IL1RAPL1: variants seen among roughly 807,000 people sequenced by gnomAD.
IL1RAPL1 encodes interleukin 1 receptor accessory protein like 1.
In IL1RAPL1, 3 loss-of-function variants were observed where a neutral mutation model predicts 48.4. The observed-to-expected ratio is 0.06, with a 90% CI of 0.03 to 0.16. The LOEUF is 0.16. Among genes scored for constraint, IL1RAPL1 ranks in the 10% least tolerant of loss-of-function variants. The pLI, the probability that IL1RAPL1 is intolerant of heterozygous loss-of-function variation, is 1.00. For missense variants in IL1RAPL1, 349 were observed against 530.6 expected, an observed-to-expected ratio of 0.66 and a Z score of 3.36; for synonymous variants, 185 against 187.7, an observed-to-expected ratio of 0.99 and a Z score of 0.12.
chrX:29,337,671 AATTT>A (rs775650362), intron 3 of IL1RAPL1, among the ~76,000 whole-genome samples: 281 of 111,036 alleles, frequency 2.5e-3, no homozygotes, highest in African/African-American at 4.9e-3. Context: ...ATATCTGACA[AATTT>A]ATTTATTTAT....
At chrX:29,445,481 C>T in intron 5 of IL1RAPL1, among the ~76,000 whole-genome samples, 1 of 112,197 alleles carries the variant, frequency 8.9e-6, no homozygotes, top group Non-Finnish European at 1.9e-5. Flanking sequence ...CCCCACTGGC[C>T]TAAACATTAG....
At chrX:29,075,669 TC>T (rs1927653787) in intron 2 of IL1RAPL1, among the ~76,000 whole-genome samples, 1 of 112,215 alleles carries the variant, frequency 8.9e-6, no homozygotes, top group African/African-American at 3.2e-5. Flanking sequence ...GTTCTCTAGT[TC>T]AACTTCTACA....
At chrX:28,994,002 A>T (rs768616122) in intron 2 of IL1RAPL1, among the ~76,000 whole-genome samples, 10 of 111,452 alleles carry the variant, frequency 9.0e-5, no homozygotes, top group Non-Finnish European at 1.7e-4. Context: ...AACACTGAAC[A>T]AATAGGCTGA....
chrX:29,457,226 A>T lies in IL1RAPL1; in HGVS notation c.703+57918A>T, dbSNP rs1221523842. On this transcript the variant is annotated intron_variant, in intron 5 of 10. Coordinates refer to ENST00000378993, the MANE Select transcript of IL1RAPL1 (RefSeq NM_014271.4). Reference sequence around the variant, plus strand: ...TGGTCCAAAGCATGTGTTTCCTTTAATTTTTTTTCTTTAACTTTTATTTTA... The same window carrying T: ...TGGTCCAAAGCATGTGTTTCCTTTATTTTTTTTTCTTTAACTTTTATTTTA... Among the ~76,000 whole-genome samples, 3 of 104,319 alleles carry T rather than the reference A, an allele frequency of 2.9e-5. 1 individual carries two copies. The highest frequency in any genetic ancestry group is 1.1e-4 in the African/African-American group (3 of 28,215). 90.6% of individuals were successfully genotyped at this position (104,319 alleles called of 115,157 possible). A position where few individuals can be genotyped will look rare whatever the true frequency, so the allele number is the denominator to read the frequency against.
chrX:29,871,380 A>T (rs1480091119), intron 6 of IL1RAPL1, among the ~76,000 whole-genome samples: 1 of 112,433 alleles, frequency 8.9e-6, no homozygotes, highest in East Asian at 2.8e-4. Context: ...GATATTTTCT[A>T]AACCATTGAG....
chrX:29,875,832 A>T (rs1931891260), intron 6 of IL1RAPL1, among the ~76,000 whole-genome samples: 1 of 112,079 alleles, frequency 8.9e-6, no homozygotes, highest in Admixed American at 9.5e-5. Context: ...GACACTTTTA[A>T]TATCTCAGAG....
chrX:29,742,605 C>T (rs769457155), intron 6 of IL1RAPL1, among the ~76,000 whole-genome samples: 11 of 110,908 alleles, frequency 9.9e-5, no homozygotes, highest in Non-Finnish European at 2.1e-4. Flanking sequence ...AACTATCCAA[C>T]CACCTGTGCA....
Position 29,803,091 on chromosome X carries a change from G to A in IL1RAPL1, c.779-114373G>A, listed in dbSNP as rs766682416. Among the ~76,000 whole-genome samples the A allele has an allele frequency of 1.8e-4, 16 of 88,074 alleles. 2 individuals carry two copies. Among genetic ancestry groups the A allele is most frequent in the African/African-American group, 6.4e-4 (15 of 23,552 alleles). 76.5% of individuals were successfully genotyped at this position (88,074 alleles called of 115,157 possible). ...TGCATGTATACATATATGTGTATATGTATACATGTATACATATATGTATAT... is the reference window on the plus strand; with the variant it reads ...TGCATGTATACATATATGTGTATATATATACATGTATACATATATGTATAT... On this transcript the variant is annotated intron_variant, in intron 6 of 10. Transcript: ENST00000378993.
At chrX:28,686,513 GT>G (rs1357163522) in intron 1 of IL1RAPL1, among the ~76,000 whole-genome samples, 2 of 111,765 alleles carry the variant, frequency 1.8e-5, no homozygotes, top group African/African-American at 6.5e-5. Flanking sequence ...TGGACATTTG[GT>G]TAGCTGCATA....
At position 29,821,148 on chromosome X, in the gene IL1RAPL1, C is replaced by T. The variant is rs193156706; in HGVS notation, c.779-96316C>T. Among the ~76,000 whole-genome samples the T allele has an allele frequency of 5.0e-3, 558 of 111,756 alleles. 3 individuals carry two copies. Among genetic ancestry groups the T allele is most frequent in the South Asian group, 0.026 (68 of 2,663 alleles). The stretch of plus-strand genomic sequence containing the variant: ...ATAATGTGACTAATCTGGTATTGCC[C>T]ATTAGTAATTGATCATTTCTCTCTG... On this transcript the variant is annotated intron_variant, in intron 6 of 10. Coordinates refer to ENST00000378993, the MANE Select transcript of IL1RAPL1 (RefSeq NM_014271.4).
At chrX:29,710,575 T>C (rs1927313218) in intron 6 of IL1RAPL1, among the ~76,000 whole-genome samples, 2 of 106,548 alleles carry the variant, frequency 1.9e-5, no homozygotes, top group African/African-American at 6.8e-5. Context: ...TTGTATTTTA[T>C]ATATATACAC....
intron 2 of IL1RAPL1, among the ~76,000 whole-genome samples, chrX:28,852,557 A>G (rs917235163): frequency 7.2e-5 from 8 of 111,507 alleles, no homozygotes; most frequent in Admixed American, 2.9e-4. Flanking sequence ...GCATTTTGGC[A>G]TTTTATCCCA....
At position 28,902,974 on chromosome X, in the gene IL1RAPL1, G is replaced by A. The variant is rs557991288; in HGVS notation, c.82+113549G>A. Among the ~76,000 whole-genome samples, 20 of 111,837 alleles carry A rather than the reference G, an allele frequency of 1.8e-4. No homozygotes were observed. The South Asian group carries it at 3.4e-3, about 19-fold the overall frequency. ...GTTTCATCCTGAAACCCTCCCCACCGTCTGCGGGAAAATTGGCTTCCATGA... is the reference window on the plus strand; with the variant it reads ...GTTTCATCCTGAAACCCTCCCCACCATCTGCGGGAAAATTGGCTTCCATGA... On this transcript the variant is annotated intron_variant, in intron 2 of 10. Coordinates refer to ENST00000378993, the MANE Select transcript of IL1RAPL1 (RefSeq NM_014271.4).
intron 2 of IL1RAPL1, among the ~76,000 whole-genome samples, chrX:28,866,063 G>A (rs1373612923): frequency 8.9e-6 from 1 of 111,953 alleles, no homozygotes; most frequent in Non-Finnish European, 1.9e-5. Context: ...CTAAAGACAC[G>A]GGACTTAGGA....
At chrX:29,708,021 A>G (rs1397142157) in intron 6 of IL1RAPL1, among the ~76,000 whole-genome samples, 1 of 111,142 alleles carries the variant, frequency 9.0e-6, no homozygotes, top group Non-Finnish European at 1.9e-5. Context: ...AAATATACTC[A>G]CATATATTTT....
At chrX:29,668,325 T>G in intron 5 of IL1RAPL1, 105 bp from the exon 6 acceptor site, 1 of 722,037 alleles carries the variant, frequency 1.4e-6, no homozygotes, top group South Asian at 2.3e-5. Context: ...ACTTTAACAC[T>G]ACTTTGAAAG....
At chrX:29,325,923 A>C (rs1346577320) in intron 3 of IL1RAPL1, among the ~76,000 whole-genome samples, 1 of 110,890 alleles carries the variant, frequency 9.0e-6, no homozygotes, top group African/African-American at 3.3e-5. Context: ...AAACAACCAG[A>C]TCTCACATGA....
chrX:29,658,589 CA>C (rs1305382666), intron 5 of IL1RAPL1, among the ~76,000 whole-genome samples: 2 of 112,049 alleles, frequency 1.8e-5, no homozygotes, highest in East Asian at 5.6e-4. Context: ...TTCCACACAT[CA>C]GTGAACTAAG....
rs753216071 is a variant in IL1RAPL1 at position 29,612,284 on chromosome X, G to A, written c.704-56146G>A. Reference sequence around the variant, plus strand: ...AGTCAATGGACCCTTTAGAGTTACCGATGACAGCCCCAGTATTCTCTCCCC... The same window carrying A: ...AGTCAATGGACCCTTTAGAGTTACCAATGACAGCCCCAGTATTCTCTCCCC... On this transcript the variant is annotated intron_variant, in intron 5 of 10. Coordinates refer to ENST00000378993, the MANE Select transcript of IL1RAPL1 (RefSeq NM_014271.4). Among the ~76,000 whole-genome samples the A allele has an allele frequency of 2.5e-4, 28 of 110,310 alleles. No individual in the cohort carries two copies. In the East Asian group the frequency reaches 7.7e-3, roughly 30 times the overall value.
Sources: allele counts gnomAD v4.1 joint callset (sites outside exome capture counted in the v4.1 genomes callset), GRCh38; gene constraint gnomAD v4.1.1; transcripts MANE v1.5; gene names NCBI Gene and HGNC (gene_info 2026-07-23, HGNC 2026-07-21).